Variants in SRSF12 observed in about 807,000 individuals in gnomAD.
SRSF12 encodes serine/arginine-rich splicing factor 12.
SRSF12 carries 21 observed loss-of-function variants against 34.1 expected under a neutral mutation model. The ratio of observed to expected loss-of-function variants is 0.62; its 90% CI spans 0.44 to 0.89. The LOEUF (loss-of-function observed/expected upper bound fraction) is 0.89. Ranked by LOEUF, SRSF12 falls within the 40% of genes least tolerant of loss-of-function variation. SRSF12 has a pLI of 0.00. For synonymous variants in SRSF12, 111 were observed against 110.8 expected (o/e 1.00, Z -0.01); for missense variants, 278 against 327.8 (o/e 0.85, Z 1.17).
At chr6:89,107,364 C>G in intron 1 of SRSF12, 106 bp from the exon 2 acceptor site, 1 of 757,322 alleles carries the variant, frequency 1.3e-6, no homozygotes. Flanking sequence ...ATCATCTAGA[C>G]CAGCATTATC....
chr6:89,108,927 G>A (rs552486737), intron 1 of SRSF12, among the ~76,000 whole-genome samples: 5 of 152,292 alleles, frequency 3.3e-5, no homozygotes, highest in African/African-American at 9.6e-5. Context: ...TCAACATTAT[G>A]ACATACTTTA....
chr6:89,117,106 T>C (rs925969976), intron 1 of SRSF12, among the ~76,000 whole-genome samples: 1 of 152,034 alleles, frequency 6.6e-6, no homozygotes, highest in Non-Finnish European at 1.5e-5. Flanking sequence ...CCTTAGTATC[T>C]GTGTTCAGAC....
chr6:89,109,598 G>A (rs1409114637), intron 1 of SRSF12, among the ~76,000 whole-genome samples: 1 of 152,190 alleles, frequency 6.6e-6, no homozygotes, highest in Non-Finnish European at 1.5e-5. Flanking sequence ...GCAGCACTGT[G>A]TGCCACAGAG....
intron 4 of SRSF12, 41 bp downstream of exon 4, chr6:89,105,078 G>C (rs1411514281): frequency 1.3e-6 from 2 of 1,544,168 alleles, no homozygotes; most frequent in Admixed American, 2.0e-5. Context: ...CTATTTCCCA[G>C]AAAAAGTAGA....
At chr6:89,103,494 A>G (rs1768630675) in intron 4 of SRSF12, among the ~76,000 whole-genome samples, 1 of 151,562 alleles carries the variant, frequency 6.6e-6, no homozygotes, top group Non-Finnish European at 1.5e-5. Flanking sequence ...ACACCCACCT[A>G]ATTTTTGTAT....
At chr6:89,113,391 C>G (rs1428925655) in intron 1 of SRSF12, among the ~76,000 whole-genome samples, 1 of 152,124 alleles carries the variant, frequency 6.6e-6, no homozygotes, top group Non-Finnish European at 1.5e-5. Flanking sequence ...CCAGGCTGGT[C>G]TCGAACTCCT....
chr6:89,100,022 A>G lies in SRSF12; in HGVS notation c.417-1075T>C, dbSNP rs529850376. ...AGAAAATGGCTATTTGACTAAGCTG[A>G]AGAGAGAAAAGTTAATTCAGGGCTA... is the stretch of plus-strand genomic sequence containing the variant. On this transcript the variant is annotated intron_variant, in intron 4 of 4. Transcript: ENST00000452027. 2.0e-5 allele frequency among the ~76,000 whole-genome samples: 3 copies of G among 152,294 alleles called. No individual in the cohort carries two copies. The South Asian group carries it at 6.2e-4, about 32-fold the overall frequency.
chr6:89,117,961 C>A lies in SRSF12; in HGVS notation c.-74G>T. The A allele has an allele frequency of 6.8e-7, 1 of 1,469,500 alleles. No individual in the cohort carries two copies. Among genetic ancestry groups the A allele is most frequent in the East Asian group, 3.0e-5 (1 of 33,628 alleles). 91.0% of individuals were successfully genotyped at this position (1,469,500 alleles called of 1,614,324 possible). ...CTCCGTCTCCCGCTACCGCTGCTAC[C>A]ACCACAGGAGCTCCGCCGGCCCCCG... On this transcript the variant is annotated 5_prime_UTR_variant, in exon 1 of 5. Coordinates refer to ENST00000452027, the MANE Select transcript of SRSF12 (RefSeq NM_080743.5).
In SRSF12 at chr6:89,097,082, GT is replaced by G. The variant is rs1335299142; in HGVS notation, c.*1495del. ...ACCAGCATACAAATTATTGTTTAAG[GT>G]TGTTTCTTACATATGGGATCTAATA... is the stretch of plus-strand genomic sequence containing the variant. On this transcript the variant is annotated 3_prime_UTR_variant, in exon 5 of 5. Transcript: ENST00000452027. The G allele has an allele frequency of 2.0e-5, 3 of 152,144 alleles. No homozygotes were observed. The highest frequency in any genetic ancestry group is 6.5e-5 in the Admixed American group (1 of 15,276). The allele number at this position is 152,144 out of a possible 1,614,324, so 9.4% of individuals were successfully genotyped here. A position where few individuals can be genotyped will look rare whatever the true frequency, so the allele number is the denominator to read the frequency against.
At chr6:89,110,812 ATG>A (rs769331431) in intron 1 of SRSF12, among the ~76,000 whole-genome samples, 1 of 152,096 alleles carries the variant, frequency 6.6e-6, no homozygotes, top group Non-Finnish European at 1.5e-5. Flanking sequence ...TTCCAAAAAC[ATG>A]TGTTAGAATT....
Position 89,098,624 on chromosome 6 carries a change from C to T in SRSF12, c.740G>A (p.Arg247Gln), listed in dbSNP as rs748507578. Residue 247 changes from arginine to glutamine, a missense_variant, in exon 5 of 5, where the codon CGG becomes CAG. Transcript: ENST00000452027. ...ATAACTTCGAGATCTGGAATGTGAC[C>T]GAAAATGAGAATGCTTTGCTGTTTG... is the stretch of plus-strand genomic sequence containing the variant. ...KVQTAKHSHF[R>Q]SHSRSRSYRH... 25 of 1,613,324 alleles carry T rather than the reference C, an allele frequency of 1.5e-5. No individual in the cohort carries two copies. The highest frequency in any genetic ancestry group is 9.9e-5 in the South Asian group (9 of 90,998).
Position 89,099,063 on chromosome 6 carries a change from G to A in SRSF12, c.417-116C>T, listed in dbSNP as rs1039248866. 56 of 1,259,098 alleles carry A rather than the reference G, an allele frequency of 4.4e-5. No homozygotes were observed. The African/African-American group carries it at 5.2e-4, about 12-fold the overall frequency. 78.0% of individuals were successfully genotyped at this position (1,259,098 alleles called of 1,614,324 possible). A position where few individuals can be genotyped will look rare whatever the true frequency, so the allele number is the denominator to read the frequency against. Reference sequence around the variant, plus strand: ...CATTAGTTATATTTTTACTAGATAAGCTAAAAAAATTTCTCATTTTATTAT... The same window carrying A: ...CATTAGTTATATTTTTACTAGATAAACTAAAAAAATTTCTCATTTTATTAT... On this transcript the variant is annotated intron_variant, in intron 4 of 4. Transcript: ENST00000452027.
intron 1 of SRSF12, 25 bp from the exon 2 acceptor site, chr6:89,107,283 A>G: frequency 6.4e-7 from 1 of 1,560,158 alleles, no homozygotes; most frequent in South Asian, 1.1e-5. Flanking sequence ...AAATAAGGCA[A>G]AGAAATATGA....
In SRSF12 at chr6:89,098,153, G is replaced by A. The variant is rs561083251; in HGVS notation, c.*425C>T. The stretch of plus-strand genomic sequence containing the variant: ...AACAGAAGACACAAAAGAGACATAG[G>A]TGTCAAACAGCTTAAGTCTGCTCTA... On this transcript the variant is annotated 3_prime_UTR_variant, in exon 5 of 5. Transcript: ENST00000452027. 4 of 153,098 alleles carry A rather than the reference G, an allele frequency of 2.6e-5. No homozygotes were observed. In the East Asian group the frequency reaches 7.7e-4, roughly 29 times the overall value. The allele number at this position is 153,098 out of a possible 1,614,324, so 9.5% of individuals were successfully genotyped here. A position where few individuals can be genotyped will look rare whatever the true frequency, so the allele number is the denominator to read the frequency against.
At chr6:89,114,274 A>G (rs1769188891) in intron 1 of SRSF12, among the ~76,000 whole-genome samples, 1 of 152,142 alleles carries the variant, frequency 6.6e-6, no homozygotes, top group African/African-American at 2.4e-5. Flanking sequence ...CTAAAAATAC[A>G]AAAATTAGCC....
At position 89,105,185 on chromosome 6, in the gene SRSF12, T is replaced by C. The variant is rs776236794; in HGVS notation, c.350A>G (p.Gln117Arg). 6.2e-7 allele frequency: 1 copy of C among 1,612,434 alleles called. No individual in the cohort carries two copies. The highest frequency in any genetic ancestry group is 8.5e-7 in the Non-Finnish European group (1 of 1,179,112). ...SDHRRSRSPS[Q>R]RRTRSRSSSW... ...AGAACTTCTACTTCGAGTTCTTCTTTGGCTGGGGCTTCTTGATCTCCTGTG... is the reference window on the plus strand; with the variant it reads ...AGAACTTCTACTTCGAGTTCTTCTTCGGCTGGGGCTTCTTGATCTCCTGTG... The change falls in exon 4 of 5, where the codon CAA (glutamine) becomes CGA (arginine). Residue 117 changes from glutamine to arginine, a missense_variant. Transcript: ENST00000452027.
intron 1 of SRSF12, 47 bp downstream of exon 1, chr6:89,117,776 A>G: frequency 6.6e-7 from 1 of 1,511,750 alleles, no homozygotes; most frequent in Non-Finnish European, 8.8e-7. Flanking sequence ...CGCGGCTGTT[A>G]CCCCGCCCCT....
rs933152483 is a variant in SRSF12, at chr6:89,097,839, T to C, written c.*739A>G. 2 of 152,218 alleles carry C rather than the reference T, an allele frequency of 1.3e-5. No individual in the cohort carries two copies. Among genetic ancestry groups the C allele is most frequent in the Non-Finnish European group, 2.9e-5 (2 of 68,036 alleles). 9.4% of individuals were successfully genotyped at this position (152,218 alleles called of 1,614,324 possible). A position where few individuals can be genotyped will look rare whatever the true frequency, so the allele number is the denominator to read the frequency against. On this transcript the variant is annotated 3_prime_UTR_variant, in exon 5 of 5. Transcript: ENST00000452027. The stretch of plus-strand genomic sequence containing the variant: ...TTCTTCAAATGTGTAAGTCTTAATA[T>C]GAATATTTTTGGATTGTGAGTGTTG...
chr6:89,116,181 G>A (rs1769285960), intron 1 of SRSF12, among the ~76,000 whole-genome samples: 2 of 152,084 alleles, frequency 1.3e-5, no homozygotes, highest in South Asian at 4.2e-4. Context: ...TGCCTTATAG[G>A]CTGGCAGCTT....
Sources: gnomAD v4.1 joint callset for allele counts (sites outside exome capture counted in the v4.1 genomes callset) on GRCh38, gnomAD v4.1.1 for gene constraint, MANE v1.5 for transcripts, NCBI Gene and HGNC (gene_info 2026-07-23, HGNC 2026-07-21) for gene names.